The following TRA2B variants were observed in gnomAD, a reference collection of about 807,000 sequenced individuals.
The protein encoded by TRA2B is transformer 2 beta homolog.
Under a neutral mutation model 41.7 loss-of-function variants are expected in TRA2B, and 14 were observed. The ratio of observed to expected loss-of-function variants is 0.34; its 90% confidence interval spans 0.22 to 0.53. TRA2B has a LOEUF of 0.53. TRA2B is among the 20% of genes least tolerant of loss of function. The pLI, the probability that TRA2B is intolerant of heterozygous loss-of-function variation, is 0.95. For synonymous variants in TRA2B, 130 were observed against 128.8 expected (o/e 1.01, Z -0.06); for missense variants, 167 against 396.8 (o/e 0.42, Z 4.92).
At chr3:185,936,154 G>A in intron 1 of TRA2B, 1 of 985,368 alleles carries the variant, frequency 1.0e-6, no homozygotes, top group South Asian at 4.7e-5. Flanking sequence ...TCAGAAGCCA[G>A]TCATTTAGTA....
At chr3:185,925,382 C>G (rs923039755) in intron 3 of TRA2B, 82 bp downstream of exon 3, 24 of 1,513,918 alleles carry the variant, frequency 1.6e-5, no homozygotes, top group Non-Finnish European at 2.1e-5. Flanking sequence ...ACTGCTAAAG[C>G]TCTATTGTCA....
At chr3:185,934,096 A>G (rs900625748) in intron 1 of TRA2B, among the ~76,000 whole-genome samples, 10 of 152,170 alleles carry the variant, frequency 6.6e-5, no homozygotes, top group African/African-American at 1.2e-4. Flanking sequence ...AGTGATTTCA[A>G]TATCTAATTC....
intron 6 of TRA2B, among the ~76,000 whole-genome samples, chr3:185,919,885 C>CT: frequency 6.6e-6 from 1 of 152,214 alleles, no homozygotes; most frequent in East Asian, 1.9e-4. Flanking sequence ...CTGTTAACTT[C>CT]TTAAACATTG....
rs1744423861 is a variant in TRA2B, at chr3:185,937,711, C to A, written c.36+114G>T. ...CTGTCTCCCTTGCCTGCCCTCCCGG[C>A]TTCAGACTTCGGAGCCTAAAACGCC... On this transcript the variant is annotated intron_variant, in intron 1 of 8. Transcript: ENST00000453386. 1.4e-5 allele frequency: 21 copies of A among 1,461,238 alleles called. No individual in the cohort carries two copies. The South Asian group carries it at 2.2e-4, about 15-fold the overall frequency. 90.5% of individuals were successfully genotyped at this position (1,461,238 alleles called of 1,614,324 possible).
intron 1 of TRA2B, chr3:185,927,272 G>GA (rs1383685080): frequency 6.6e-6 from 1 of 152,238 alleles, no homozygotes; most frequent in Non-Finnish European, 1.5e-5. Context: ...GAGAAAAGCA[G>GA]AAACCTAGTG....
intron 1 of TRA2B, among the ~76,000 whole-genome samples, chr3:185,930,745 G>C (rs1023509432): frequency 6.6e-6 from 1 of 152,146 alleles, no homozygotes; most frequent in Non-Finnish European, 1.5e-5. Context: ...AAGTGCAAGG[G>C]ATACCAGGTA....
chr3:185,934,642 G>GC, intron 1 of TRA2B: 3 of 985,342 alleles, frequency 3.0e-6, no homozygotes, highest in Non-Finnish European at 3.6e-6. Flanking sequence ...TGAGATGGCT[G>GC]CAATTCTTTA....
Position 185,914,838 on chromosome 3 carries a change from A to G in TRA2B, c.*2877T>C, listed in dbSNP as rs901780020. Among the ~76,000 whole-genome samples the G allele has an allele frequency of 1.2e-4, 18 of 151,780 alleles. No individual in the cohort carries two copies. Among genetic ancestry groups the G allele is most frequent in the African/African-American group, 3.6e-4 (15 of 41,350 alleles). ...ACAGAAATTTTGATAATGCAAACCA[A>G]ATCTTTTTATTTCTTCTCGGTGAAA... On this transcript the variant is annotated 3_prime_UTR_variant, in exon 9 of 9. Transcript: ENST00000453386.
At chr3:185,926,798 T>A in intron 1 of TRA2B, 64 bp from the exon 2 acceptor site, 1 of 1,580,954 alleles carries the variant, frequency 6.3e-7, no homozygotes, top group African/African-American at 1.3e-5. Flanking sequence ...ACAAATAAGC[T>A]GCTGTGAGAT....
intron 3 of TRA2B, chr3:185,924,511 T>C (rs1485744817): frequency 5.2e-5 from 8 of 152,566 alleles, no homozygotes; most frequent in Admixed American, 5.2e-4. Context: ...CAGCTTGCAA[T>C]CGTAAGAAAC....
intron 1 of TRA2B, chr3:185,937,427 T>G: frequency 6.9e-6 from 7 of 1,019,406 alleles, no homozygotes; most frequent in East Asian, 1.9e-4. Flanking sequence ...TTCTCCGCCA[T>G]TTTGTGCCTC....
chr3:185,914,663 T>C lies in TRA2B; in HGVS notation c.*3052A>G, dbSNP rs1743442004. ...ACATTACTGTAGTAGCATTCTGGCT[T>C]TTTGATGACATTTGGCATAAGCTAG... On this transcript the variant is annotated 3_prime_UTR_variant, in exon 9 of 9. Transcript: ENST00000453386. 6.6e-6 allele frequency among the ~76,000 whole-genome samples: 1 copy of C among 152,178 alleles called. No homozygotes were observed. Among genetic ancestry groups the C allele is most frequent in the African/African-American group, 2.4e-5 (1 of 41,444 alleles).
chr3:185,933,524 A>T (rs1346235603), intron 1 of TRA2B, among the ~76,000 whole-genome samples: 3 of 152,182 alleles, frequency 2.0e-5, no homozygotes, highest in African/African-American at 7.2e-5. Flanking sequence ...TTTAACATTA[A>T]ACATGCACAA....
chr3:185,923,856 C>T lies in TRA2B; in HGVS notation c.462G>A (p.Gln154=), dbSNP rs761761135. The part of the protein sequence containing the change: ...IADVSIVYDQ[Q]SRRSRGFAFV... Reference sequence around the variant, plus strand: ...AGGCAAATCCTCTTGAACGCCTAGACTGCTGGTCATATACAATAGACACAT... The same window carrying T: ...AGGCAAATCCTCTTGAACGCCTAGATTGCTGGTCATATACAATAGACACAT... Residue 154 remains glutamine (Q), a synonymous_variant, in exon 4 of 9, where the codon CAG becomes CAA. Coordinates refer to ENST00000453386, the MANE Select transcript of TRA2B (RefSeq NM_004593.3). 5 of 1,613,732 alleles carry T rather than the reference C, an allele frequency of 3.1e-6. No homozygotes were observed. In the Admixed American group the frequency reaches 5.0e-5, roughly 16 times the overall value.
At chr3:185,934,973 T>G in intron 1 of TRA2B, 1 of 985,450 alleles carries the variant, frequency 1.0e-6, no homozygotes, top group Non-Finnish European at 1.2e-6. Context: ...ATTCCTTTAG[T>G]AAAGACTCAC....
chr3:185,915,381 T>A lies in TRA2B; in HGVS notation c.*2334A>T, dbSNP rs1248224241. On this transcript the variant is annotated 3_prime_UTR_variant, in exon 9 of 9. Transcript: ENST00000453386. ...TAAAAGCCTCCAAGTCCCTTTGCCT[T>A]GAGGCAGTAACTTTAAGACTCAAAT... is the stretch of plus-strand genomic sequence containing the variant. Among the ~76,000 whole-genome samples the A allele has an allele frequency of 1.3e-5, 2 of 152,234 alleles. No individual in the cohort carries two copies. Among genetic ancestry groups the A allele is most frequent in the Admixed American group, 1.3e-4 (2 of 15,284 alleles).
In TRA2B at chr3:185,937,810, C is replaced by T; in HGVS notation, c.36+15G>A. On this transcript the variant is annotated intron_variant, in intron 1 of 8. Coordinates refer to ENST00000453386, the MANE Select transcript of TRA2B (RefSeq NM_004593.3). The stretch of plus-strand genomic sequence containing the variant: ...CTAGGACCACACAGCCACCCCCTAC[C>T]GCAGCTCTACGTACCCGCTCGCCGT... The T allele has an allele frequency of 6.2e-6, 10 of 1,614,124 alleles. No individual in the cohort carries two copies. The highest frequency in any genetic ancestry group is 8.5e-6 in the Non-Finnish European group (10 of 1,180,036).
chr3:185,917,921 C>G (rs536195654), intron 8 of TRA2B, among the ~76,000 whole-genome samples, 196 bp from the exon 9 acceptor site: 27 of 152,072 alleles, frequency 1.8e-4, no homozygotes, highest in Non-Finnish European at 2.9e-4. Context: ...ACAGAAATTG[C>G]TGGGAAGTAT....
At chr3:185,921,982 AATT>A in intron 5 of TRA2B, 26 bp downstream of exon 5, 1 of 1,548,952 alleles carries the variant, frequency 6.5e-7, no homozygotes, top group Non-Finnish European at 8.9e-7. Flanking sequence ...AAAAACTGCC[AATT>A]ATATTTATTT....
Sources: allele counts gnomAD v4.1 joint callset (sites outside exome capture counted in the v4.1 genomes callset), GRCh38; gene constraint gnomAD v4.1.1; transcripts MANE v1.5; gene names NCBI Gene and HGNC (gene_info 2026-07-23, HGNC 2026-07-21).